NAPSA: variants seen among roughly 807,000 people sequenced by gnomAD.
NAPSA encodes the protein napsin-A.
Under a neutral mutation model 36.7 loss-of-function variants are expected in NAPSA, and 37 were observed. The ratio of observed to expected loss-of-function variants is 1.01; its 90% CI spans 0.78 to 1.33. NAPSA has a LOEUF of 1.33. Among genes scored for constraint, NAPSA ranks in the 40% most tolerant of loss-of-function variants. NAPSA has a pLI of 0.00. For synonymous variants in NAPSA, 222 were observed against 234.5 expected, an observed-to-expected ratio of 0.95 and a Z score of 0.49; for missense variants, 532 against 543.8, an observed-to-expected ratio of 0.98 and a Z score of 0.21.
chr19:50,368,798 C>T (rs1481096062), upstream of NAPSA, among the ~76,000 whole-genome samples: 1 of 152,210 alleles, frequency 6.6e-6, no homozygotes, highest in Non-Finnish European at 1.5e-5. Flanking sequence ...AGCCGCCACC[C>T]GTTTCTAGAG....
chr19:50,358,624 G>C lies in NAPSA; in HGVS notation c.1192C>G (p.Leu398Val). Residue 398 changes from leucine (L) to valine (V), a missense_variant, in exon 9 of 9, where the codon CTG becomes GTG. Physicochemically the swap from Leu to Val is conservative, Grantham distance 32 (BLOSUM62 1). Around this residue, in one of 3 missense-constraint regions of NAPSA, gnomAD observed 385 missense variants for 371.5 expected, o/e 1.04. Coordinates refer to ENST00000253719, the MANE Select transcript of NAPSA (RefSeq NM_004851.3). ...GCTCCGCGAGTGCGAGCGCGCGCCA[G>C]GCCCACCCGGGCGCTGCTCTTCATG... ...GDMKSSARVGLARARTRGADL... is the reference protein window; with the variant it reads ...GDMKSSARVGVARARTRGADL... The C allele has an allele frequency of 6.2e-7, 1 of 1,612,690 alleles. No individual in the cohort carries two copies. Among genetic ancestry groups the C allele is most frequent in the Non-Finnish European group, 8.5e-7 (1 of 1,179,818 alleles).
chr19:50,367,348 A>G (rs956781974), upstream of NAPSA, among the ~76,000 whole-genome samples: 2 of 152,156 alleles, frequency 1.3e-5, no homozygotes, highest in African/African-American at 4.8e-5. Flanking sequence ...CAGGTATTCA[A>G]AAGTACTTGG....
chr19:50,359,957 G>A, intron 5 of NAPSA, 95 bp from the exon 6 acceptor site: 2 of 1,511,556 alleles, frequency 1.3e-6, no homozygotes, highest in East Asian at 4.6e-5. Context: ...CACCAACTGG[G>A]TTGTTTCTGG....
chr19:50,358,958 C>T, intron 8 of NAPSA, 53 bp downstream of exon 8: 3 of 1,503,934 alleles, frequency 2.0e-6, no homozygotes, highest in South Asian at 2.3e-5. Context: ...TCAGCTCTAC[C>T]CTCTCAAACC....
chr19:50,359,135 G>T, intron 7 of NAPSA, 26 bp from the exon 8 acceptor site: 1 of 1,575,666 alleles, frequency 6.3e-7, no homozygotes, highest in Non-Finnish European at 8.7e-7. Context: ...AACTAGTGAA[G>T]ATGAGAGATT....
In NAPSA at chr19:50,359,807, G is replaced by A; in HGVS notation, c.724C>T (p.His242Tyr). The A allele has an allele frequency of 6.2e-7, 1 of 1,614,192 alleles. No individual in the cohort carries two copies. Among genetic ancestry groups the A allele is most frequent in the East Asian group, 2.2e-5 (1 of 44,882 alleles). Reference protein sequence around the residue: ...ELVLGGSDPAHYIPPLTFVPV... With the variant: ...ELVLGGSDPAYYIPPLTFVPV... Reference sequence around the variant, plus strand: ...ACGAAGGTGAGGGGTGGGATGTAGTGTGCCGGGTCCGAGCCCCCCAGGACC... The same window carrying A: ...ACGAAGGTGAGGGGTGGGATGTAGTATGCCGGGTCCGAGCCCCCCAGGACC... Residue 242 changes from histidine (H) to tyrosine (Y), a missense_variant, in exon 6 of 9, where the codon CAC becomes TAC. His to Tyr is a moderately conservative substitution (Grantham distance 83). Around this residue, in one of 3 missense-constraint regions of NAPSA, gnomAD observed 385 missense variants for 371.5 expected, o/e 1.04. Coordinates refer to ENST00000253719, the MANE Select transcript of NAPSA (RefSeq NM_004851.3).
At chr19:50,366,249 C>T (rs777954635), upstream of NAPSA, among the ~76,000 whole-genome samples, 5 of 150,760 alleles carry the variant, frequency 3.3e-5, no homozygotes, top group Non-Finnish European at 5.9e-5. Context: ...TACAGGCATG[C>T]GCAACCACGC....
At position 50,359,047 on chromosome 19, in the gene NAPSA, G is replaced by C; in HGVS notation, c.999C>G (p.Val333=). The part of the protein sequence containing the change: ...LPAVSFLLGG[V]WFNLTAHDYV... ...AATCATGGGCCGTGAGGTTAAACCA[G>C]ACCCCCCCAAGAAGGAAGGAGACTG... Residue 333 remains valine (V), a synonymous_variant, in exon 8 of 9, where the codon GTC becomes GTG. Coordinates refer to ENST00000253719, the MANE Select transcript of NAPSA (RefSeq NM_004851.3). The C allele has an allele frequency of 6.2e-7, 1 of 1,614,074 alleles. No homozygotes were observed. The highest frequency in any genetic ancestry group is 8.5e-7 in the Non-Finnish European group (1 of 1,179,984).
At chr19:50,365,010 T>A (rs866250316) in intron 1 of NAPSA, among the ~76,000 whole-genome samples, 8 of 130,504 alleles carry the variant, frequency 6.1e-5, no homozygotes, top group African/African-American at 1.0e-4. Context: ...ATAATAATAA[T>A]AAATAATAAT....
chr19:50,359,510 G>T lies in NAPSA; in HGVS notation c.929C>A (p.Ala310Asp). 1 of 1,614,080 alleles carries T rather than the reference G, an allele frequency of 6.2e-7. No individual in the cohort carries two copies. The highest frequency in any genetic ancestry group is 8.5e-7 in the Non-Finnish European group (1 of 1,180,020). The change falls in exon 7 of 9, where the codon GCT becomes GAT. Residue 310 changes from alanine (A) to aspartate (D), a missense_variant. Physicochemically the swap from Ala to Asp is moderately radical, Grantham distance 126 (BLOSUM62 -2). Around this residue, in one of 3 missense-constraint regions of NAPSA, gnomAD observed 385 missense variants for 371.5 expected, o/e 1.04. Coordinates refer to ENST00000253719, the MANE Select transcript of NAPSA (RefSeq NM_004851.3). ...ACCAGACTGGGACCTCACCTCCCCA[G>T]CCAGCAAGGGGATTCCCCCAATGGC... ...HAAIGGIPLL[A>D]GEYIILCSEI...
intron 1 of NAPSA, 116 bp from the exon 2 acceptor site, chr19:50,362,429 T>TGC: frequency 1.1e-6 from 1 of 929,324 alleles, no homozygotes; most frequent in Non-Finnish European, 1.6e-6. Flanking sequence ...ACAATAGTAG[T>TGC]CAGTACCAGA....
At chr19:50,359,167 C>G in intron 7 of NAPSA, 58 bp from the exon 8 acceptor site, 1 of 1,454,586 alleles carries the variant, frequency 6.9e-7, no homozygotes, top group Non-Finnish European at 9.6e-7. Flanking sequence ...CAGTCCCTTC[C>G]GTGGCTCCCC....
upstream of NAPSA, among the ~76,000 whole-genome samples, chr19:50,366,949 T>C (rs991076016): frequency 3.1e-4 from 47 of 152,074 alleles, no homozygotes; most frequent in African/African-American, 1.1e-3. Flanking sequence ...TTGTCCTGTC[T>C]CAGCCTCCCA....
At chr19:50,359,161 C>G (rs780148274) in intron 7 of NAPSA, 52 bp from the exon 8 acceptor site, 4 of 1,494,154 alleles carry the variant, frequency 2.7e-6, no homozygotes, top group South Asian at 1.1e-5. Flanking sequence ...TCTGTTCAGT[C>G]CCTTCCGTGG....
At chr19:50,360,341 C>A (rs761801475) in intron 5 of NAPSA, among the ~76,000 whole-genome samples, 25 of 152,108 alleles carry the variant, frequency 1.6e-4, no homozygotes, top group Non-Finnish European at 2.8e-4. Flanking sequence ...AGAGCAGGAT[C>A]TGCTAGGTGG....
chr19:50,361,521 G>A, intron 4 of NAPSA, 142 bp downstream of exon 4: 2 of 747,832 alleles, frequency 2.7e-6, no homozygotes, highest in South Asian at 3.4e-5. Context: ...CCTTCACTCT[G>A]AAAGGCAGGC....
chr19:50,359,878 G>A lies in NAPSA; in HGVS notation c.669-16C>T, dbSNP rs144934721. The A allele has an allele frequency of 1.2e-6, 2 of 1,611,674 alleles. No individual in the cohort carries two copies. Among genetic ancestry groups the A allele is most frequent in the East Asian group, 4.5e-5 (2 of 44,856 alleles). Reference sequence around the variant, plus strand: ...TTCAGGGTCCCTGCAGGGGCAGAGTGTAGAGAGTGTAGATGTCAGTGTCAC... The same window carrying A: ...TTCAGGGTCCCTGCAGGGGCAGAGTATAGAGAGTGTAGATGTCAGTGTCAC... On this transcript the variant is annotated splice_polypyrimidine_tract_variant and intron_variant, in intron 5 of 8. Coordinates refer to ENST00000253719, the MANE Select transcript of NAPSA (RefSeq NM_004851.3).
At chr19:50,367,045 G>A (rs1314195977), upstream of NAPSA, among the ~76,000 whole-genome samples, 1 of 151,980 alleles carries the variant, frequency 6.6e-6, no homozygotes, top group African/African-American at 2.4e-5. Flanking sequence ...GGCTGGTCTC[G>A]AACTCCTGAC....
intron 6 of NAPSA, 44 bp downstream of exon 6, chr19:50,359,696 G>T: frequency 6.2e-7 from 1 of 1,614,182 alleles, no homozygotes; most frequent in Non-Finnish European, 8.5e-7. Flanking sequence ...AGGAGTCCAG[G>T]CCCCCAGCCT....
Sources: allele counts gnomAD v4.1 joint callset (sites outside exome capture counted in the v4.1 genomes callset), GRCh38; gene constraint gnomAD v4.1.1; regional missense constraint gnomAD v4.1.1; transcripts MANE v1.5; gene names NCBI Gene and HGNC (gene_info 2026-07-23, HGNC 2026-07-21).